RANBP2: variants seen among roughly 807,000 people sequenced by gnomAD.
RANBP2 encodes the protein E3 SUMO-protein ligase RanBP2.
In RANBP2, 57 loss-of-function variants were observed where a neutral mutation model predicts 303.6. The ratio of observed to expected loss-of-function variants is 0.19; its 90% CI spans 0.15 to 0.23. The LOEUF is 0.23. Ranked by LOEUF, RANBP2 falls within the 10% of genes least tolerant of loss-of-function variation. RANBP2 has a pLI of 1.00. For synonymous variants in RANBP2, 1,167 were observed against 1,301.5 expected (o/e 0.90, Z 2.23); for missense variants, 3,138 against 3,780.8 (o/e 0.83, Z 4.46).
the RANBP2 span, among the ~76,000 whole-genome samples, chr2:109,460,725 T>A: frequency 6.6e-6 from 1 of 152,236 alleles, no homozygotes; most frequent in Non-Finnish European, 1.5e-5. Context: ...GTCACCAATT[T>A]TCCAATTATG....
At chr2:109,264,037 G>C in the RANBP2 span, among the ~76,000 whole-genome samples, 19 of 152,336 alleles carry the variant, frequency 1.2e-4, no homozygotes, top group Non-Finnish European at 2.2e-4. Flanking sequence ...AGCCCTACAT[G>C]GTTTGCAAAA....
At chr2:108,978,442 C>T in the RANBP2 span, among the ~76,000 whole-genome samples, 1 of 152,094 alleles carries the variant, frequency 6.6e-6, no homozygotes, top group Non-Finnish European at 1.5e-5. Context: ...AATCTGTGGG[C>T]TTGTCATATT....
the RANBP2 span, chr2:109,432,611 C>T: frequency 9.9e-6 from 16 of 1,613,024 alleles, no homozygotes; most frequent in South Asian, 2.2e-5. Flanking sequence ...TTCAAGGGGG[C>T]GTCTCTGAGG....
the RANBP2 span, among the ~76,000 whole-genome samples, chr2:109,645,789 T>C: frequency 6.6e-6 from 1 of 152,166 alleles, no homozygotes; most frequent in Non-Finnish European, 1.5e-5. Context: ...TCTGTGAACA[T>C]AGATGAAGCT....
the RANBP2 span, among the ~76,000 whole-genome samples, chr2:109,089,077 C>T: frequency 6.6e-6 from 1 of 151,902 alleles, no homozygotes; most frequent in South Asian, 2.1e-4. Context: ...AAGTAAAGAA[C>T]AGGGGAAGCA....
the RANBP2 span, among the ~76,000 whole-genome samples, chr2:109,444,098 A>T: frequency 1.3e-5 from 2 of 152,204 alleles, no homozygotes; most frequent in Non-Finnish European, 2.9e-5. Context: ...AATAATAACA[A>T]ATATTTGATA....
the RANBP2 span, among the ~76,000 whole-genome samples, chr2:109,524,469 A>AAAAAAAAAAAAAAAAAAAAC: frequency 9.9e-5 from 8 of 80,874 alleles, no homozygotes; most frequent in East Asian, 8.3e-4. Flanking sequence ...AAAAAAAACA[A>AAAAAAAAAAAAAAAAAAAAC]AACAACACTG....
chr2:108,723,428 C>T (rs1284583872), intron 1 of RANBP2, among the ~76,000 whole-genome samples: 7 of 152,060 alleles, frequency 4.6e-5, no homozygotes, highest in African/African-American at 7.2e-5. Flanking sequence ...GCACCCGCCA[C>T]CACACCCGGC....
the RANBP2 span, among the ~76,000 whole-genome samples, chr2:109,622,434 T>C: frequency 1.3e-5 from 2 of 152,146 alleles, no homozygotes; most frequent in Non-Finnish European, 2.9e-5. Flanking sequence ...GAGAGCAAAC[T>C]AAGAACCAAA....
the RANBP2 span, among the ~76,000 whole-genome samples, chr2:109,547,369 GTTTT>G: frequency 1.7e-4 from 20 of 117,874 alleles, no homozygotes; most frequent in Non-Finnish European, 3.0e-4. Context: ...TAATAAACTT[GTTTT>G]TTTTTTTTTT....
the RANBP2 span, among the ~76,000 whole-genome samples, chr2:109,599,458 CAAAAAA>C: frequency 3.2e-5 from 2 of 63,314 alleles, no homozygotes; most frequent in Non-Finnish European, 3.1e-5. Flanking sequence ...ACTCAGTCTC[CAAAAAA>C]AAAAAAAAAA....
chr2:109,421,781 C>T, the RANBP2 span, among the ~76,000 whole-genome samples: 3 of 152,196 alleles, frequency 2.0e-5, no homozygotes, highest in Non-Finnish European at 1.5e-5. Context: ...CTGCAGGTGA[C>T]ACAGTGGCCC....
the RANBP2 span, among the ~76,000 whole-genome samples, chr2:109,417,718 G>T: frequency 1.6e-4 from 24 of 152,182 alleles, no homozygotes; most frequent in Non-Finnish European, 3.4e-4. Context: ...TCTGCCAGGC[G>T]CACTGGGTTT....
chr2:108,798,120 G>A, the RANBP2 span, among the ~76,000 whole-genome samples: 1 of 152,130 alleles, frequency 6.6e-6, no homozygotes, highest in Non-Finnish European at 1.5e-5. Context: ...CTATGATGTG[G>A]AAGCAGAGCA....
chr2:109,276,569 G>A, the RANBP2 span, among the ~76,000 whole-genome samples: 1 of 152,178 alleles, frequency 6.6e-6, no homozygotes, highest in Admixed American at 6.5e-5. Flanking sequence ...GAAAACTTGT[G>A]TTTCATTTGT....
the RANBP2 span, among the ~76,000 whole-genome samples, chr2:109,421,665 G>A: frequency 6.6e-6 from 1 of 152,290 alleles, no homozygotes; most frequent in Admixed American, 6.5e-5. Context: ...TCTCCCCCAG[G>A]GGAGGGCACT....
At chr2:108,737,960 C>T (rs970856714) in intron 6 of RANBP2, among the ~76,000 whole-genome samples, 4 of 151,632 alleles carry the variant, frequency 2.6e-5, no homozygotes, top group South Asian at 2.1e-4. Flanking sequence ...GTGATCTGCC[C>T]TCCTCGGCCT....
chr2:109,721,428 A>C, the RANBP2 span, among the ~76,000 whole-genome samples: 2 of 152,220 alleles, frequency 1.3e-5, no homozygotes, highest in Non-Finnish European at 2.9e-5. Flanking sequence ...CATGCATAAA[A>C]AATAATGAGA....
the RANBP2 span, among the ~76,000 whole-genome samples, chr2:108,820,699 C>CAAAAAA: frequency 9.6e-5 from 6 of 62,586 alleles, no homozygotes; most frequent in Admixed American, 1.9e-4. Context: ...ATTCAAAGTG[C>CAAAAAA]AAAAAAAAAA....
Sources: gnomAD v4.1 joint callset for allele counts (sites outside exome capture counted in the v4.1 genomes callset) on GRCh38, gnomAD v4.1.1 for gene constraint, MANE v1.5 for transcripts, NCBI Gene and HGNC (gene_info 2026-07-23, HGNC 2026-07-21) for gene names.